The following EFTUD2 variants were observed in gnomAD, a reference collection of about 807,000 sequenced individuals.
The protein encoded by EFTUD2 is elongation factor Tu GTP binding domain containing 2, also known as 116 kDa U5 small nuclear ribonucleoprotein component.
A neutral mutation model predicts 114.3 loss-of-function variants in EFTUD2; 9 were observed. The observed-to-expected ratio is 0.08, with a 90% CI of 0.05 to 0.14. EFTUD2 has a LOEUF of 0.14. Among genes scored for constraint, EFTUD2 ranks in the 10% least tolerant of loss-of-function variants. EFTUD2 has a pLI of 1.00. For synonymous variants in EFTUD2, 449 were observed against 462.3 expected, an observed-to-expected ratio of 0.97 and a Z score of 0.37; for missense variants, 765 against 1,241.2, an observed-to-expected ratio of 0.62 and a Z score of 5.76.
At position 44,876,068 on chromosome 17, in the gene EFTUD2, A is replaced by G. The variant is rs1597810836; in HGVS notation, c.735T>C (p.His245=). The stretch of plus-strand genomic sequence containing the variant: ...TGACTGCCAGCCTCTCCTGCACCGC[A>G]TGCTTGATCAGCCGCTCTGTGTTCA... ...VMLNTERLIK[H]AVQERLAVTV... The change falls in exon 10 of 28, where the codon CAT becomes CAC. Residue 245 remains histidine (H), a synonymous_variant. Coordinates refer to ENST00000426333, the MANE Select transcript of EFTUD2 (RefSeq NM_004247.4). 1.2e-6 allele frequency: 2 copies of G among 1,613,850 alleles called. No individual in the cohort carries two copies. Among genetic ancestry groups the G allele is most frequent in the African/African-American group, 1.3e-5 (1 of 74,924 alleles).
intron 6 of EFTUD2, 115 bp downstream of exon 6, chr17:44,882,978 C>T: frequency 1.1e-6 from 1 of 898,990 alleles, no homozygotes; most frequent in Middle Eastern, 2.3e-4. Context: ...TATAAAGCTG[C>T]ACTTTGGAGG....
At chr17:44,883,596 G>T in intron 5 of EFTUD2, 53 bp downstream of exon 5, 1 of 1,539,052 alleles carries the variant, frequency 6.5e-7, no homozygotes, top group South Asian at 1.1e-5. Context: ...GCTAAAACAT[G>T]AGCAGGTACA....
rs780104714 is a variant in EFTUD2 at position 44,872,517 on chromosome 17, C to T, written c.923G>A (p.Cys308Tyr). ...GATGCTGTACTGGGAGCTGGAGAAG[C>T]AGACGTTACCCAGGAGTGGGGAAAG... ...LILSPLLGNV[C>Y]FSSSQYSICF... Residue 308 changes from cysteine (C) to tyrosine (Y), a missense_variant, in exon 11 of 28, where the codon TGC (cysteine) becomes TAC (tyrosine). Cys to Tyr is a radical substitution (Grantham distance 194). Transcript: ENST00000426333. 11 of 1,613,346 alleles carry T rather than the reference C, an allele frequency of 6.8e-6. No homozygotes were observed. The highest frequency in any genetic ancestry group is 9.3e-6 in the Non-Finnish European group (11 of 1,179,508).
chr17:44,864,020 T>C, intron 14 of EFTUD2: 1 of 397,884 alleles, frequency 2.5e-6, no homozygotes, highest in Non-Finnish European at 4.5e-6. Flanking sequence ...ACATGGTTCC[T>C]TGGAACTCAG....
chr17:44,860,148 T>C, intron 17 of EFTUD2, 103 bp from the exon 18 acceptor site: 1 of 1,528,494 alleles, frequency 6.5e-7, no homozygotes, highest in South Asian at 1.2e-5. Flanking sequence ...TCAGACTATG[T>C]ATTCCCCAAC....
rs370725710 is a variant in EFTUD2 at position 44,879,634 on chromosome 17, A to G, written c.624T>C (p.His208=). 25 of 1,613,740 alleles carry G rather than the reference A, an allele frequency of 1.5e-5. No individual in the cohort carries two copies. The East Asian group carries it at 4.7e-4, about 30-fold the overall frequency. ...CTGTGACCTCATCAGAGAAATTCAC[A>G]TGTCCTGAAAAGCAAATACTAAGTA... ...YLFNIMDTPG[H]VNFSDEVTAG... Residue 208 remains histidine, a synonymous_variant, in exon 9 of 28, where the codon CAT becomes CAC. Coordinates refer to ENST00000426333, the MANE Select transcript of EFTUD2 (RefSeq NM_004247.4).
At chr17:44,891,907 C>T (rs991668626) in intron 2 of EFTUD2, 1 of 151,888 alleles carries the variant, frequency 6.6e-6, no homozygotes, top group African/African-American at 2.4e-5. Flanking sequence ...TACAGGCGCG[C>T]ACCAGCACAC....
chr17:44,858,499 C>A (rs1182811085), intron 19 of EFTUD2, among the ~76,000 whole-genome samples: 1 of 152,182 alleles, frequency 6.6e-6, no homozygotes, highest in Non-Finnish European at 1.5e-5. Flanking sequence ...ACCTCCTAGG[C>A]TCAGGTTGGA....
rs34741258 is a variant in EFTUD2 at position 44,894,198 on chromosome 17, T to C, written c.105+219A>G. 49,375 of 470,594 alleles carry C rather than the reference T, an allele frequency of 0.1. 2,909 individuals are homozygous for C. The highest frequency in any genetic ancestry group is 0.2 in the Middle Eastern group (338 of 1,676). The allele number at this position is 470,594 out of a possible 1,614,324, so 29.2% of individuals were successfully genotyped here. On this transcript the variant is annotated intron_variant, in intron 2 of 27. Coordinates refer to ENST00000426333, the MANE Select transcript of EFTUD2 (RefSeq NM_004247.4). ...CAAGACCAGCCTGGGCAATGTTTCA[T>C]CTCCACGAAAAATAAAAAAAAATTA...
At chr17:44,879,825 C>T (rs977776348) in intron 8 of EFTUD2, among the ~76,000 whole-genome samples, 187 bp from the exon 9 acceptor site, 3 of 151,996 alleles carry the variant, frequency 2.0e-5, no homozygotes, top group Non-Finnish European at 2.9e-5. Flanking sequence ...AGCTTTCCTA[C>T]GGGAGGCTCC....
Position 44,886,881 on chromosome 17 carries a change from G to C in EFTUD2, c.106-131C>G, listed in dbSNP as rs115322686. 3.3e-4 allele frequency: 473 copies of C among 1,440,630 alleles called. 3 individuals are homozygous for C. The African/African-American group carries it at 6.1e-3, about 19-fold the overall frequency. 89.2% of individuals were successfully genotyped at this position (1,440,630 alleles called of 1,614,324 possible). ...TCTTATTCTGAGTTCTATGCCAGTG[G>C]GGGAGGTTCCACTCCTTTGAGACCC... On this transcript the variant is annotated intron_variant, in intron 2 of 27. Transcript: ENST00000426333.
chr17:44,888,481 C>A (rs577184373), intron 2 of EFTUD2, among the ~76,000 whole-genome samples: 1 of 152,150 alleles, frequency 6.6e-6, no homozygotes, highest in African/African-American at 2.4e-5. Context: ...AGAACCACTC[C>A]AGCCCCTATG....
chr17:44,857,280 C>A, intron 19 of EFTUD2, 123 bp from the exon 20 acceptor site: 1 of 753,230 alleles, frequency 1.3e-6, no homozygotes, highest in South Asian at 1.5e-5. Flanking sequence ...CTGCCTTAAT[C>A]AGCACAAGTG....
At position 44,854,443 on chromosome 17, in the gene EFTUD2, G is replaced by A; in HGVS notation, c.2260-87C>T. ...GAGAAGACAGATGTGCCTGTAAGGG[G>A]ATACTGTCCTTCACCAGAGGACACA... On this transcript the variant is annotated intron_variant, in intron 22 of 27. Transcript: ENST00000426333. This position sits in a 1 kb window ranked among gnomAD's most constrained non-coding sequence, Gnocchi z 4.3. The A allele has an allele frequency of 6.4e-7, 1 of 1,573,228 alleles. No individual in the cohort carries two copies. Among genetic ancestry groups the A allele is most frequent in the Non-Finnish European group, 8.7e-7 (1 of 1,152,524 alleles).
chr17:44,882,549 C>T (rs574773223), intron 6 of EFTUD2, among the ~76,000 whole-genome samples: 26 of 152,362 alleles, frequency 1.7e-4, no homozygotes, highest in African/African-American at 5.8e-4. Context: ...AGCCACCACT[C>T]TTTTTGAGTT....
intron 20 of EFTUD2, among the ~76,000 whole-genome samples, chr17:44,855,990 T>C: frequency 1.3e-5 from 2 of 149,270 alleles, no homozygotes; most frequent in Non-Finnish European, 3.0e-5. Flanking sequence ...AACCCAGGTG[T>C]GGTTAGCACA....
intron 19 of EFTUD2, among the ~76,000 whole-genome samples, chr17:44,858,848 A>G (rs1190074099): frequency 6.6e-6 from 1 of 152,160 alleles, no homozygotes; most frequent in African/African-American, 2.4e-5. Context: ...TCGGCCTCCC[A>G]AAGTGCTGGG....
At chr17:44,863,816 G>C (rs1185069034) in intron 14 of EFTUD2, 34 bp from the exon 15 acceptor site, 8 of 1,610,750 alleles carry the variant, frequency 5.0e-6, no homozygotes, top group African/African-American at 1.3e-5. Flanking sequence ...ATTAATACAT[G>C]CCTTCCCAGG....
intron 19 of EFTUD2, among the ~76,000 whole-genome samples, chr17:44,858,696 G>A (rs1430256930): frequency 6.6e-6 from 1 of 152,154 alleles, no homozygotes; most frequent in Non-Finnish European, 1.5e-5. Flanking sequence ...TCTCACCTCA[G>A]TCTCCCAAAG....
Sources: allele counts gnomAD v4.1 joint callset (sites outside exome capture counted in the v4.1 genomes callset), GRCh38; gene constraint gnomAD v4.1.1; non-coding constraint Gnocchi (gnomAD v3.1); transcripts MANE v1.5; gene names NCBI Gene and HGNC (gene_info 2026-07-23, HGNC 2026-07-21).